Variants in FBXL16 observed in about 807,000 individuals in gnomAD.
FBXL16 encodes F-box/LRR-repeat protein 16.
FBXL16 carries 7 observed loss-of-function variants against 36.7 expected under a neutral mutation model. The observed-to-expected ratio is 0.19, with a 90% confidence interval of 0.11 to 0.36. The LOEUF is 0.36. FBXL16 is among the 10% of genes least tolerant of loss of function. The pLI is 1.00. For missense variants in FBXL16, 463 were observed against 659.4 expected (o/e 0.70, Z 3.26); for synonymous variants, 355 against 308.7 (o/e 1.15, Z -1.57).
intron 4 of FBXL16, 62 bp from the exon 5 acceptor site, chr16:694,759 G>C: frequency 1.3e-6 from 2 of 1,523,134 alleles, no homozygotes; most frequent in Non-Finnish European, 1.8e-6. Context: ...GGGCACCCTG[G>C]GGTCCATGGA....
Position 695,892 on chromosome 16 carries a change from C to G in FBXL16, c.665G>C (p.Arg222Pro). ...GTCGTTGCAGCCCGACAGCTCCAGA[C>G]GCACCACGCCCTGCATCTGTTCAAG... ...VMLEQMQGVV[R>P]LELSGCNDFT... Residue 222 changes from arginine to proline, a missense_variant, in exon 3 of 6, where the codon CGT (arginine) becomes CCT (proline). Arg to Pro is a moderately radical substitution (Grantham distance 103). Around this residue, in one of 3 missense-constraint regions of FBXL16, gnomAD observed 263 missense variants for 341.1 expected, o/e 0.77. Transcript: ENST00000397621. 6.3e-7 allele frequency: 1 copy of G among 1,597,462 alleles called. No homozygotes were observed. The highest frequency in any genetic ancestry group is 8.6e-7 in the Non-Finnish European group (1 of 1,168,634).
rs2040087928 is a variant in FBXL16, at chr16:705,644, C to A, written c.-147G>T. On this transcript the variant is annotated 5_prime_UTR_variant, in exon 1 of 6. Coordinates refer to ENST00000397621, the MANE Select transcript of FBXL16 (RefSeq NM_153350.4). ...GCCGGCAGGGCCCGGCCGCGCCCTGCGCCCCGCGTCCCGTCCTGGCCGGGC... is the reference window on the plus strand; with the variant it reads ...GCCGGCAGGGCCCGGCCGCGCCCTGAGCCCCGCGTCCCGTCCTGGCCGGGC... 6.7e-6 allele frequency: 1 copy of A among 148,648 alleles called. No homozygotes were observed. Among genetic ancestry groups the A allele is most frequent in the African/African-American group, 2.4e-5 (1 of 40,928 alleles). 9.2% of individuals were successfully genotyped at this position (148,648 alleles called of 1,614,324 possible).
At chr16:703,272 C>A (rs1288320794) in intron 1 of FBXL16, among the ~76,000 whole-genome samples, 1 of 152,202 alleles carries the variant, frequency 6.6e-6, no homozygotes, top group Non-Finnish European at 1.5e-5. Context: ...CGCGTGCCCA[C>A]CCCTGGGACA....
Position 694,391 on chromosome 16 carries a change from C to T in FBXL16, c.1324G>A (p.Gly442Ser). The T allele has an allele frequency of 6.5e-7, 1 of 1,543,864 alleles. No individual in the cohort carries two copies. ...TCCAGCTCCTGCAGCTGCACCAGGC[C>T]CGACAGCCCGGTGGTGGTGAGCAGC... is the stretch of plus-strand genomic sequence containing the variant. ...CPLLTTTGLS[G>S]LVQLQELEEL... The change falls in exon 6 of 6, where the codon GGC (glycine) becomes AGC (serine). Residue 442 changes from glycine to serine, a missense_variant. Gly to Ser is a moderately conservative substitution (Grantham distance 56). This residue lies in a region of FBXL16 where 134 missense variants were observed against 172.0 expected (regional missense o/e 0.78). Coordinates refer to ENST00000397621, the MANE Select transcript of FBXL16 (RefSeq NM_153350.4).
chr16:693,263 C>G lies in FBXL16; in HGVS notation c.*1012G>C, dbSNP rs2039984630. On this transcript the variant is annotated 3_prime_UTR_variant, in exon 6 of 6. Coordinates refer to ENST00000397621, the MANE Select transcript of FBXL16 (RefSeq NM_153350.4). The stretch of plus-strand genomic sequence containing the variant: ...GCCACTGGAAGATTGGAGTCGCTGA[C>G]CCAGTGCTGACCCTGACCCTTGGCT... 6.6e-6 allele frequency: 1 copy of G among 152,302 alleles called. No individual in the cohort carries two copies. The highest frequency in any genetic ancestry group is 6.5e-5 in the Admixed American group (1 of 15,280). 9.4% of individuals were successfully genotyped at this position (152,302 alleles called of 1,614,324 possible).
rs116914290 is a variant in FBXL16 at position 700,179 on chromosome 16, C to T, written c.-14-2760G>A. Among the ~76,000 whole-genome samples, 1,313 of 152,206 alleles carry T rather than the reference C, an allele frequency of 8.6e-3. 8 individuals carry two copies. The highest frequency in any genetic ancestry group is 0.013 in the Non-Finnish European group (890 of 67,996). On this transcript the variant is annotated intron_variant, in intron 1 of 5. Coordinates refer to ENST00000397621, the MANE Select transcript of FBXL16 (RefSeq NM_153350.4). ...CTGGGGAGGGGGTGTAGACCGGAGC[C>T]GGGACCAGGGGTCTCGCCAGAACAC...
At chr16:702,871 G>A (rs145313675) in intron 1 of FBXL16, among the ~76,000 whole-genome samples, 1 of 152,312 alleles carries the variant, frequency 6.6e-6, no homozygotes, top group East Asian at 1.9e-4. Context: ...CTGAGGAAGT[G>A]GCTGCCCGTC....
Position 694,590 on chromosome 16 carries a change from G to A in FBXL16, c.1291+44C>T, listed in dbSNP as rs759977765. 1.8e-5 allele frequency: 28 copies of A among 1,576,680 alleles called. No individual in the cohort carries two copies. In the East Asian group the frequency reaches 5.7e-4, roughly 32 times the overall value. On this transcript the variant is annotated intron_variant, in intron 5 of 5. Coordinates refer to ENST00000397621, the MANE Select transcript of FBXL16 (RefSeq NM_153350.4). ...GGTTGGGCGGGTGGACTAAGTGGGG[G>A]TGGGTGGTCACTGCCAGCGTCAGAG... is the stretch of plus-strand genomic sequence containing the variant.
chr16:700,347 A>C lies in FBXL16; in HGVS notation c.-14-2928T>G, dbSNP rs1162513265. ...TGGAAGGTGAGGCCGGGCCCTCCAC[A>C]GAGGAGGCACCCACAGCCGGTGACC... On this transcript the variant is annotated intron_variant, in intron 1 of 5. Transcript: ENST00000397621. Among the ~76,000 whole-genome samples the C allele has an allele frequency of 3.3e-5, 5 of 152,212 alleles. No individual in the cohort carries two copies. The East Asian group carries it at 7.8e-4, about 24-fold the overall frequency.
rs1218334800 is a variant in FBXL16 at position 697,003 on chromosome 16, C to T, written c.403G>A (p.Ala135Thr). ...GCATGCAGCACCGGCGTGAGGCCTG[C>T]CCAGAACTTGGGCTGGTACAGCACG... Reference protein sequence around the residue: ...RRVLYQPKFWAGLTPVLHAKE... With the variant: ...RRVLYQPKFWTGLTPVLHAKE... Residue 135 changes from alanine (A) to threonine (T), a missense_variant, in exon 2 of 6, where the codon GCA becomes ACA. By Grantham distance (58) the Ala-to-Thr change is moderately conservative. This residue lies in a region of FBXL16 where 263 missense variants were observed against 341.1 expected (regional missense o/e 0.77). Transcript: ENST00000397621. This position sits in a 1 kb window ranked among gnomAD's most constrained non-coding sequence, Gnocchi z 4.6. 2 of 1,596,020 alleles carry T rather than the reference C, an allele frequency of 1.3e-6. No individual in the cohort carries two copies. Among genetic ancestry groups the T allele is most frequent in the African/African-American group, 1.3e-5 (1 of 74,546 alleles).
chr16:695,144 G>A, intron 3 of FBXL16, 68 bp from the exon 4 acceptor site: 2 of 1,500,554 alleles, frequency 1.3e-6, no homozygotes, highest in South Asian at 1.2e-5. Flanking sequence ...CGTCTTCCTG[G>A]GAGTGCCCCT....
intron 1 of FBXL16, among the ~76,000 whole-genome samples, chr16:701,288 G>C (rs183371178): frequency 8.1e-4 from 124 of 152,320 alleles, no homozygotes; most frequent in African/African-American, 3.0e-3. Context: ...GCCAGAAGGC[G>C]CTGCTCTGCC....
rs748265748 is a variant in FBXL16, at chr16:696,826, C to T, written c.580G>A (p.Gly194Ser). ...CGCTTGAGGCTCATGGCTTTGACACCCTTCTTGGAGAGCGCATAGTTGTCA... is the reference window on the plus strand; with the variant it reads ...CGCTTGAGGCTCATGGCTTTGACACTCTTCTTGGAGAGCGCATAGTTGTCA... ...FIDNYALSKK[G>S]VKAMSLKRST... The change falls in exon 2 of 6, where the codon GGT (glycine) becomes AGT (serine). Residue 194 changes from glycine (G) to serine (S), a missense_variant. Physicochemically the swap from Gly to Ser is moderately conservative, Grantham distance 56. Coordinates refer to ENST00000397621, the MANE Select transcript of FBXL16 (RefSeq NM_153350.4). 12 of 1,534,524 alleles carry T rather than the reference C, an allele frequency of 7.8e-6. No homozygotes were observed. The highest frequency in any genetic ancestry group is 1.7e-5 in the African/African-American group (1 of 59,498).
rs774098894 is a variant in FBXL16, at chr16:694,942, G to T, written c.1227+50C>A. ...GAGTGGGGCCGGGAGCTCTCCCCGC[G>T]CCCCCACCTCCCCGCCGATCCCCCA... is the stretch of plus-strand genomic sequence containing the variant. On this transcript the variant is annotated intron_variant, in intron 4 of 5. Coordinates refer to ENST00000397621, the MANE Select transcript of FBXL16 (RefSeq NM_153350.4). 17 of 1,474,046 alleles carry T rather than the reference G, an allele frequency of 1.2e-5. No individual in the cohort carries two copies. In the Admixed American group the frequency reaches 1.6e-4, roughly 14 times the overall value. 91.3% of individuals were successfully genotyped at this position (1,474,046 alleles called of 1,614,324 possible).
In FBXL16 at chr16:701,349, G is replaced by A. The variant is rs1347894334; in HGVS notation, c.-14-3930C>T. ...TTGGTGGGAGCTGCATCCCCGCACA[G>A]GCAGCCCCACTGCTCCCCAATCTCG... On this transcript the variant is annotated intron_variant, in intron 1 of 5. Coordinates refer to ENST00000397621, the MANE Select transcript of FBXL16 (RefSeq NM_153350.4). 5.3e-5 allele frequency among the ~76,000 whole-genome samples: 8 copies of A among 152,320 alleles called. No homozygotes were observed. In the East Asian group the frequency reaches 9.6e-4, roughly 18 times the overall value.
chr16:699,972 C>T (rs1226049608), intron 1 of FBXL16, among the ~76,000 whole-genome samples: 2 of 152,178 alleles, frequency 1.3e-5, no homozygotes, highest in African/African-American at 4.8e-5. Flanking sequence ...CAGAGAGTGG[C>T]GGGGTCTCGG....
chr16:701,053 G>A (rs1363989125), intron 1 of FBXL16, among the ~76,000 whole-genome samples: 2 of 152,214 alleles, frequency 1.3e-5, no homozygotes, highest in African/African-American at 2.4e-5. Context: ...CCTGCACGTG[G>A]AGCGCCGGGG....
intron 2 of FBXL16, 24 bp downstream of exon 2, chr16:696,747 CTG>C: frequency 6.7e-7 from 1 of 1,495,338 alleles, no homozygotes; most frequent in Non-Finnish European, 8.8e-7. Context: ...CCCCCCAGCC[CTG>C]TCCCCCCCGA....
At chr16:696,649 G>A (rs1449792315) in intron 2 of FBXL16, 124 bp downstream of exon 2, 23 of 480,040 alleles carry the variant, frequency 4.8e-5, no homozygotes, top group South Asian at 2.0e-4. Context: ...CGCTTTGCGC[G>A]AGGTCCCCTG....
Sources: allele counts gnomAD v4.1 joint callset (sites outside exome capture counted in the v4.1 genomes callset), GRCh38; gene constraint gnomAD v4.1.1; regional missense constraint gnomAD v4.1.1; non-coding constraint Gnocchi (gnomAD v3.1); transcripts MANE v1.5; gene names NCBI Gene and HGNC (gene_info 2026-07-23, HGNC 2026-07-21).